PDE4D: variants seen among roughly 807,000 people sequenced by gnomAD.
PDE4D encodes phosphodiesterase 4D.
PDE4D carries 24 observed loss-of-function variants against 87.4 expected under a neutral mutation model. That is an observed-to-expected ratio of 0.27 (90% CI 0.20 to 0.39). The LOEUF (loss-of-function observed/expected upper bound fraction) is 0.39, where lower values mean the gene tolerates loss of function less well. Among genes scored for constraint, PDE4D ranks in the 10% least tolerant of loss-of-function variants. The pLI is 1.00. For missense variants in PDE4D, 714 were observed against 1,041.0 expected, an observed-to-expected ratio of 0.69 and a Z score of 4.32; for synonymous variants, 384 against 383.2, an observed-to-expected ratio of 1.00 and a Z score of -0.02.
intron 1 of PDE4D, among the ~76,000 whole-genome samples, chr5:60,382,164 T>C (rs940654673): frequency 1.3e-5 from 2 of 152,112 alleles, no homozygotes; most frequent in Admixed American, 6.5e-5. Flanking sequence ...GATGTAATTA[T>C]GATAAGCATT....
chr5:59,209,011 T>C (rs1749468143), intron 2 of PDE4D, among the ~76,000 whole-genome samples: 1 of 152,112 alleles, frequency 6.6e-6, no homozygotes, highest in African/African-American at 2.4e-5. Context: ...ACCAAAATAA[T>C]ATCACATTTT....
intron 1 of PDE4D, among the ~76,000 whole-genome samples, chr5:60,274,489 T>C (rs1583278941): frequency 1.3e-5 from 2 of 152,238 alleles, no homozygotes; most frequent in Admixed American, 1.3e-4. Context: ...GCCTCCCAAG[T>C]AGCTGAGATT....
chr5:59,325,287 G>T (rs1775443956), intron 1 of PDE4D, among the ~76,000 whole-genome samples: 1 of 152,134 alleles, frequency 6.6e-6, no homozygotes, highest in Admixed American at 6.6e-5. Flanking sequence ...CCAAGAAAAG[G>T]TCAAGGTGAT....
chr5:60,009,350 C>G (rs914685177), intron 2 of PDE4D, among the ~76,000 whole-genome samples: 1 of 151,860 alleles, frequency 6.6e-6, no homozygotes, highest in Non-Finnish European at 1.5e-5. Flanking sequence ...TTTTAAGATC[C>G]ATTGAAGAAC....
intron 1 of PDE4D, among the ~76,000 whole-genome samples, chr5:59,238,850 A>G (rs1390903822): frequency 1.3e-5 from 2 of 152,216 alleles, no homozygotes; most frequent in East Asian, 3.9e-4. Flanking sequence ...AGTTAAGGAC[A>G]AAGGTACTTT....
chr5:58,978,453 C>T (rs1046151327), intron 11 of PDE4D, among the ~76,000 whole-genome samples: 1 of 152,060 alleles, frequency 6.6e-6, no homozygotes, highest in Non-Finnish European at 1.5e-5. Context: ...GTTAAAAGCA[C>T]AGGTATTTGA....
intron 1 of PDE4D, among the ~76,000 whole-genome samples, chr5:59,525,381 T>G (rs1562334063): frequency 6.6e-6 from 1 of 152,260 alleles, no homozygotes; most frequent in Non-Finnish European, 1.5e-5. Context: ...CCCTTTGTTC[T>G]GGACAATTTC....
chr5:59,006,288 G>A (rs13328162), intron 6 of PDE4D, among the ~76,000 whole-genome samples: 15,593 of 152,302 alleles, frequency 0.1, 1,044 homozygotes, highest in Non-Finnish European at 0.13. Flanking sequence ...TTCTTGGCCT[G>A]GTGAAGTGCC....
chr5:60,274,517 C>T (rs373086893), intron 1 of PDE4D, among the ~76,000 whole-genome samples: 1 of 152,226 alleles, frequency 6.6e-6, no homozygotes, highest in African/African-American at 2.4e-5. Context: ...TGTGCCACCA[C>T]GCCCAGCTAA....
intron 5 of PDE4D, among the ~76,000 whole-genome samples, chr5:59,042,288 C>T (rs1440677999): frequency 6.6e-6 from 1 of 152,060 alleles, no homozygotes; most frequent in Non-Finnish European, 1.5e-5. Context: ...GGAATTTTAA[C>T]CCCAAGTGTT....
intron 1 of PDE4D, among the ~76,000 whole-genome samples, chr5:59,284,720 C>T (rs1766549141): frequency 8.9e-6 from 1 of 112,282 alleles, no homozygotes; most frequent in South Asian, 3.5e-4. Flanking sequence ...GGGTATATAC[C>T]CAAATGACTA....
intron 1 of PDE4D, among the ~76,000 whole-genome samples, chr5:60,321,413 T>G (rs1218033602): frequency 6.6e-6 from 1 of 152,198 alleles, no homozygotes; most frequent in Non-Finnish European, 1.5e-5. Context: ...ATTAAAGCCT[T>G]AAATGTAAAA....
intron 1 of PDE4D, among the ~76,000 whole-genome samples, chr5:59,400,580 C>T (rs651576): frequency 0.44 from 50,348 of 114,006 alleles, 10,602 homozygotes; most frequent in East Asian, 0.52. Context: ...CTGGGGACTG[C>T]TGTGGGGTGG....
chr5:59,966,941 C>T (rs576918524), intron 3 of PDE4D, among the ~76,000 whole-genome samples: 178 of 152,238 alleles, frequency 1.2e-3, no homozygotes, highest in Non-Finnish European at 2.1e-3. Context: ...GTTAAAAGTA[C>T]ATTATTTCTT....
intron 2 of PDE4D, among the ~76,000 whole-genome samples, chr5:60,072,022 T>C (rs1427936830): frequency 1.3e-5 from 2 of 152,172 alleles, no homozygotes; most frequent in African/African-American, 4.8e-5. Flanking sequence ...TTCTATTCCC[T>C]TGCGTATACA....
chr5:59,892,018 T>A (rs1751028243), intron 1 of PDE4D, among the ~76,000 whole-genome samples: 1 of 152,188 alleles, frequency 6.6e-6, no homozygotes, highest in Non-Finnish European at 1.5e-5. Flanking sequence ...TGACGACCCC[T>A]CTACTTTACT....
intron 2 of PDE4D, among the ~76,000 whole-genome samples, chr5:59,196,993 T>C (rs1745594370): frequency 6.6e-6 from 1 of 152,144 alleles, no homozygotes; most frequent in Non-Finnish European, 1.5e-5. Flanking sequence ...ATTAAAATAA[T>C]ATGACATCTT....
At chr5:59,436,702 T>A (rs930894954) in intron 1 of PDE4D, among the ~76,000 whole-genome samples, 1 of 152,184 alleles carries the variant, frequency 6.6e-6, no homozygotes, top group Non-Finnish European at 1.5e-5. Flanking sequence ...AAGTTTGAGA[T>A]GAATGAAGCA....
chr5:60,484,797 G>C (rs946840907), intron 1 of PDE4D, among the ~76,000 whole-genome samples: 1 of 149,996 alleles, frequency 6.7e-6, no homozygotes, highest in African/African-American at 2.4e-5. Context: ...TAACCCTAGC[G>C]TGATGAGCTA....
Sources: gnomAD v4.1 joint callset for allele counts (sites outside exome capture counted in the v4.1 genomes callset) on GRCh38, gnomAD v4.1.1 for gene constraint, MANE v1.5 for transcripts, NCBI Gene and HGNC (gene_info 2026-07-23, HGNC 2026-07-21) for gene names.